Variants in SEC23B observed in about 807,000 individuals in gnomAD.
SEC23B encodes SEC23 homolog B, COPII component.
In SEC23B, 77 loss-of-function variants were observed where a neutral mutation model predicts 104.3. The ratio of observed to expected loss-of-function variants is 0.74; its 90% CI spans 0.61 to 0.89. The LOEUF (loss-of-function observed/expected upper bound fraction) is 0.89. Ranked by LOEUF, SEC23B falls within the 40% of genes least tolerant of loss-of-function variation. SEC23B has a pLI of 0.00. For synonymous variants in SEC23B, 338 were observed against 332.5 expected, an observed-to-expected ratio of 1.02 and a Z score of -0.18; for missense variants, 885 against 949.4, an observed-to-expected ratio of 0.93 and a Z score of 0.89.
At chr20:18,529,539 G>A (rs574386444) in intron 9 of SEC23B, among the ~76,000 whole-genome samples, 6 of 152,318 alleles carry the variant, frequency 3.9e-5, no homozygotes, top group East Asian at 3.9e-4. Flanking sequence ...TCATCATTAC[G>A]GGCTGAGGCT....
At chr20:18,548,032 A>C (rs985935613) in intron 15 of SEC23B, among the ~76,000 whole-genome samples, 2 of 151,600 alleles carry the variant, frequency 1.3e-5, no homozygotes, top group African/African-American at 4.8e-5. Flanking sequence ...GCTCACCGCA[A>C]CCTCCCCCTA....
At position 18,526,350 on chromosome 20, in the gene SEC23B, C is replaced by T. The variant is rs752840202; in HGVS notation, c.835-23C>T. 1.9e-6 allele frequency: 3 copies of T among 1,613,696 alleles called. No individual in the cohort carries two copies. In the East Asian group the frequency reaches 6.7e-5, roughly 36 times the overall value. Reference sequence around the variant, plus strand: ...AAAAGGTGAGGCTGTATACTTCTAACATGCTGCCATTCGCTATTTTAGGGC... The same window carrying T: ...AAAAGGTGAGGCTGTATACTTCTAATATGCTGCCATTCGCTATTTTAGGGC... On this transcript the variant is annotated intron_variant, in intron 7 of 19. Transcript: ENST00000650089.
At chr20:18,560,324 A>G (rs79046695) in intron 19 of SEC23B, among the ~76,000 whole-genome samples, 1 of 152,214 alleles carries the variant, frequency 6.6e-6, no homozygotes, top group East Asian at 1.9e-4. Flanking sequence ...AAAGGCAGGC[A>G]TATGGGCCTC....
intron 19 of SEC23B, among the ~76,000 whole-genome samples, chr20:18,556,526 ATGT>A (rs1338989589): frequency 6.6e-6 from 1 of 152,144 alleles, no homozygotes; most frequent in Non-Finnish European, 1.5e-5. Context: ...TTAGACAATC[ATGT>A]CATCTGCAAG....
At chr20:18,531,647 T>C (rs2060188373) in intron 10 of SEC23B, among the ~76,000 whole-genome samples, 1 of 108,114 alleles carries the variant, frequency 9.2e-6, no homozygotes, top group Admixed American at 9.5e-5. Context: ...CGAGTGAAAC[T>C]GTCTCAAAAA....
intron 11 of SEC23B, 66 bp downstream of exon 11, chr20:18,532,810 C>G: frequency 8.4e-7 from 1 of 1,184,906 alleles, no homozygotes; most frequent in South Asian, 1.2e-5. Flanking sequence ...AGTGTCAGAG[C>G]ATGATGATCT....
intron 16 of SEC23B, among the ~76,000 whole-genome samples, chr20:18,550,448 C>T (rs752204448): frequency 3.3e-5 from 5 of 152,294 alleles, no homozygotes; most frequent in Middle Eastern, 6.8e-3. Context: ...TGAGCCACTA[C>T]GCCCAGCCAT....
At chr20:18,545,434 G>C (rs574169194) in intron 14 of SEC23B, among the ~76,000 whole-genome samples, 9 of 152,336 alleles carry the variant, frequency 5.9e-5, no homozygotes, top group African/African-American at 2.2e-4. Context: ...GATTTTGTGG[G>C]AAGAAAGTAA....
At chr20:18,517,906 A>G (rs2060044573) in intron 4 of SEC23B, among the ~76,000 whole-genome samples, 1 of 152,220 alleles carries the variant, frequency 6.6e-6, no homozygotes, top group African/African-American at 2.4e-5. Flanking sequence ...AGGACCCAGG[A>G]CATCCAATTA....
intron 2 of SEC23B, 118 bp downstream of exon 2, chr20:18,511,174 T>C: frequency 3.9e-6 from 3 of 775,842 alleles, no homozygotes; most frequent in African/African-American, 3.4e-5. Flanking sequence ...AAGTAGTAGA[T>C]GATGAGACTC....
rs1225416143 is a variant in SEC23B, at chr20:18,536,214, G to T, written c.1404+472G>T. 6.6e-5 allele frequency among the ~76,000 whole-genome samples: 10 copies of T among 152,100 alleles called. No homozygotes were observed. The East Asian group carries it at 9.6e-4, about 15-fold the overall frequency. On this transcript the variant is annotated intron_variant, in intron 12 of 19. Coordinates refer to ENST00000650089, the MANE Select transcript of SEC23B (RefSeq NM_006363.6). Reference sequence around the variant, plus strand: ...AGACTACCACAATAAAGTGAATATTGCAATAAAGCAAGTCACATGAATATT... The same window carrying T: ...AGACTACCACAATAAAGTGAATATTTCAATAAAGCAAGTCACATGAATATT...
intron 14 of SEC23B, among the ~76,000 whole-genome samples, chr20:18,545,155 G>A (rs1372558804): frequency 2.0e-5 from 3 of 152,202 alleles, no homozygotes; most frequent in African/African-American, 7.2e-5. Context: ...GGATTTGGAT[G>A]ACACCCATCT....
intron 4 of SEC23B, among the ~76,000 whole-genome samples, chr20:18,518,462 A>G (rs1314121732): frequency 1.3e-5 from 2 of 152,010 alleles, no homozygotes; most frequent in Non-Finnish European, 2.9e-5. Flanking sequence ...CCTTGAGGAT[A>G]GATTTCCACG....
chr20:18,511,025 C>A lies in SEC23B; in HGVS notation c.190C>A (p.Pro64Thr), dbSNP rs761863089. The A allele has an allele frequency of 1.2e-6, 2 of 1,614,000 alleles. No individual in the cohort carries two copies. Among genetic ancestry groups the A allele is most frequent in the Non-Finnish European group, 1.7e-6 (2 of 1,179,894 alleles). Reference protein sequence around the residue: ...VQYEPVLCSRPTCKAVLNPLC... With the variant: ...VQYEPVLCSRTTCKAVLNPLC... Reference sequence around the variant, plus strand: ...ATATGAACCTGTGCTTTGCAGCAGGCCAACTTGTAAAGCTGTTCTCAACCC... The same window carrying A: ...ATATGAACCTGTGCTTTGCAGCAGGACAACTTGTAAAGCTGTTCTCAACCC... The change falls in exon 2 of 20, where the codon CCA becomes ACA. Residue 64 changes from proline (P) to threonine (T), a missense_variant. Transcript: ENST00000650089.
chr20:18,513,763 A>G (rs2060001583), intron 3 of SEC23B, among the ~76,000 whole-genome samples: 1 of 152,234 alleles, frequency 6.6e-6, no homozygotes, highest in African/African-American at 2.4e-5. Context: ...TATTACATTT[A>G]GGATTAATGT....
chr20:18,543,412 G>T (rs1267661237), intron 14 of SEC23B, among the ~76,000 whole-genome samples: 2 of 152,174 alleles, frequency 1.3e-5, no homozygotes, highest in East Asian at 1.9e-4. Flanking sequence ...ATACAAATCT[G>T]TGTGGGTTGA....
At chr20:18,552,545 A>C (rs1401158732) in intron 17 of SEC23B, among the ~76,000 whole-genome samples, 1 of 152,204 alleles carries the variant, frequency 6.6e-6, no homozygotes, top group East Asian at 1.9e-4. Flanking sequence ...CGGGTGTGGT[A>C]GTTCATGCCT....
chr20:18,556,813 C>T (rs780355968), intron 19 of SEC23B, among the ~76,000 whole-genome samples: 7 of 152,078 alleles, frequency 4.6e-5, no homozygotes, highest in East Asian at 1.9e-4. Flanking sequence ...CTAGCCAACA[C>T]GGTGAAACCC....
intron 16 of SEC23B, 128 bp from the exon 17 acceptor site, chr20:18,550,961 T>A (rs1248323706): frequency 6.8e-6 from 5 of 730,278 alleles, no homozygotes; most frequent in Non-Finnish European, 1.3e-5. Flanking sequence ...GGTGACTTAC[T>A]GTGCTGGGCA....
Sources: gnomAD v4.1 joint callset for allele counts (sites outside exome capture counted in the v4.1 genomes callset) on GRCh38, gnomAD v4.1.1 for gene constraint, MANE v1.5 for transcripts, NCBI Gene and HGNC (gene_info 2026-07-23, HGNC 2026-07-21) for gene names.